The following DIAPH2 variants were observed in gnomAD, a reference collection of about 807,000 sequenced individuals.
DIAPH2 encodes the protein diaphanous related formin 2, also known as protein diaphanous homolog 2.
Under a neutral mutation model 92.7 loss-of-function variants are expected in DIAPH2, and 35 were observed. The observed-to-expected ratio is 0.38, with a 90% CI of 0.29 to 0.50. The LOEUF (loss-of-function observed/expected upper bound fraction) is 0.50. Ranked by LOEUF, DIAPH2 falls within the 20% of genes least tolerant of loss-of-function variation. The pLI is 0.94. For missense variants in DIAPH2, 701 were observed against 819.5 expected, an observed-to-expected ratio of 0.86 and a Z score of 1.77; for synonymous variants, 301 against 280.4, an observed-to-expected ratio of 1.07 and a Z score of -0.73.
intron 26 of DIAPH2, among the ~76,000 whole-genome samples, chrX:97,468,951 C>T (rs186014760): frequency 1.6e-4 from 18 of 111,300 alleles, no homozygotes; most frequent in African/African-American, 5.9e-4. Flanking sequence ...TTATTATCAT[C>T]GATAGAATGT....
At chrX:97,314,668 A>ACTTT in intron 23 of DIAPH2, among the ~76,000 whole-genome samples, 1 of 111,762 alleles carries the variant, frequency 8.9e-6, no homozygotes, top group South Asian at 3.8e-4. Context: ...ATCTTTCTAT[A>ACTTT]CTGTAGGGGC....
chrX:96,704,519 A>G lies in DIAPH2; in HGVS notation c.132+19329A>G, dbSNP rs765050694. Among the ~76,000 whole-genome samples the G allele has an allele frequency of 2.5e-3, 279 of 111,778 alleles. 2 individuals carry two copies. Among genetic ancestry groups the G allele is most frequent in the African/African-American group, 8.6e-3 (263 of 30,746 alleles). ...TCTCAGTGACCTTCATAAATGTGATAGTGCTGGGAACAATCTTCTGAAGCA... is the reference window on the plus strand; with the variant it reads ...TCTCAGTGACCTTCATAAATGTGATGGTGCTGGGAACAATCTTCTGAAGCA... On this transcript the variant is annotated intron_variant, in intron 1 of 26. Transcript: ENST00000324765.
intron 17 of DIAPH2, among the ~76,000 whole-genome samples, chrX:97,001,407 G>A (rs1179023857): frequency 8.9e-6 from 1 of 112,075 alleles, no homozygotes; most frequent in East Asian, 2.8e-4. Context: ...CACTTTGGGA[G>A]GCCAAGGCGG....
intron 26 of DIAPH2, among the ~76,000 whole-genome samples, chrX:97,498,109 T>A (rs1260192182): frequency 3.6e-5 from 4 of 111,613 alleles, no homozygotes; most frequent in Non-Finnish European, 5.6e-5. Context: ...GGAGCAGGTT[T>A]GTGCTTGATT....
chrX:97,261,230 A>G (rs2068285969), intron 23 of DIAPH2, among the ~76,000 whole-genome samples: 1 of 112,680 alleles, frequency 8.9e-6, no homozygotes, highest in Non-Finnish European at 1.9e-5. Context: ...TGTGTGTGAA[A>G]CACCAAGAGT....
At chrX:97,142,348 G>A (rs1401788151) in intron 22 of DIAPH2, among the ~76,000 whole-genome samples, 2 of 111,338 alleles carry the variant, frequency 1.8e-5, no homozygotes, top group African/African-American at 6.5e-5. Flanking sequence ...TGAGGTTAGG[G>A]TTTTACAGAC....
At position 97,073,012 on chromosome X, in the gene DIAPH2, A is replaced by G; in HGVS notation, c.2122A>G (p.Ile708Val). The G allele has an allele frequency of 1.7e-6, 2 of 1,202,095 alleles. No homozygotes were observed. Among genetic ancestry groups the G allele is most frequent in the Non-Finnish European group, 2.2e-6 (2 of 889,872 alleles). ...AAAGAAGAAAGTGAAAGAACTGAGA[A>G]TTTTGGATCCCAAAACAGCTCAGAA... ...PTKKKVKELR[I>V]LDPKTAQNLS... The change falls in exon 18 of 27, where the codon ATT becomes GTT. Residue 708 changes from isoleucine (I) to valine (V), a missense_variant. Physicochemically the swap from Ile to Val is conservative, Grantham distance 29. Coordinates refer to ENST00000324765, the MANE Select transcript of DIAPH2 (RefSeq NM_006729.5).
Position 96,941,988 on chromosome X carries a change from G to C in DIAPH2, c.1326-30G>C, listed in dbSNP as rs1390994173. 3.8e-6 allele frequency: 3 copies of C among 795,353 alleles called. No individual in the cohort carries two copies. The South Asian group carries it at 6.7e-5, about 18-fold the overall frequency. 65.5% of individuals were successfully genotyped at this position (795,353 alleles called of 1,213,427 possible). A position where few individuals can be genotyped will look rare whatever the true frequency, so the allele number is the denominator to read the frequency against. ...CAAATTGATCTGCATGGTTAGAAAG[G>C]CATTCATGAGTACTTTCTCTCCTTT... On this transcript the variant is annotated intron_variant, in intron 12 of 26. Transcript: ENST00000324765.
At chrX:96,914,152 G>T (rs2065487471) in intron 7 of DIAPH2, among the ~76,000 whole-genome samples, 1 of 110,876 alleles carries the variant, frequency 9.0e-6, no homozygotes, top group Non-Finnish European at 1.9e-5. Flanking sequence ...TATCAGCAAA[G>T]AATGTTACTG....
At chrX:97,072,109 G>A (rs188644082) in intron 17 of DIAPH2, among the ~76,000 whole-genome samples, 6 of 111,557 alleles carry the variant, frequency 5.4e-5, no homozygotes, top group East Asian at 2.8e-4. Context: ...TTTCTATACC[G>A]GAGGGGTTTG....
At chrX:97,095,438 A>G (rs1233913187) in intron 19 of DIAPH2, among the ~76,000 whole-genome samples, 1 of 107,753 alleles carries the variant, frequency 9.3e-6, no homozygotes, top group East Asian at 2.9e-4. Context: ...TCTTATCTAG[A>G]TTTTTAAAAA....
intron 5 of DIAPH2, among the ~76,000 whole-genome samples, chrX:96,894,509 C>T (rs191513235): frequency 3.0e-4 from 33 of 111,509 alleles, no homozygotes; most frequent in African/African-American, 1.0e-3. Context: ...AATTTTTCTT[C>T]GATATAGAGA....
chrX:97,242,378 T>C (rs2068103063), intron 22 of DIAPH2, among the ~76,000 whole-genome samples: 2 of 110,128 alleles, frequency 1.8e-5, no homozygotes, highest in Admixed American at 1.9e-4. Context: ...TTTTTTTTTT[T>C]CTTGAGACAG....
intron 3 of DIAPH2, among the ~76,000 whole-genome samples, chrX:96,749,365 A>T (rs1227242216): frequency 1.8e-5 from 2 of 110,541 alleles, no homozygotes; most frequent in South Asian, 7.6e-4. Context: ...TAGTGAGAAC[A>T]GTGTCACTAT....
In DIAPH2 at chrX:97,467,379, G is replaced by A. The variant is rs771137563; in HGVS notation, c.3241+37634G>A. Among the ~76,000 whole-genome samples, 14 of 112,061 alleles carry A rather than the reference G, an allele frequency of 1.2e-4. No homozygotes were observed. In the South Asian group the frequency reaches 5.3e-3, roughly 42 times the overall value. ...TAAATGCACAAAGTCTTCCTTCTTT[G>A]TAGTAGACTAGTATCCTGGTTTCTG... On this transcript the variant is annotated intron_variant, in intron 26 of 26. Transcript: ENST00000324765.
At chrX:97,129,168 T>TCCTTTCCTTTCCTTTCCTTTC (rs1215898264) in intron 21 of DIAPH2, among the ~76,000 whole-genome samples, 1 of 104,022 alleles carries the variant, frequency 9.6e-6, no homozygotes, top group African/African-American at 3.7e-5. Context: ...TTCTTTTCTT[T>TCCTTTCCTTTCCTTTCCTTTC]CTTTTCTTTT....
At chrX:96,850,122 T>G (rs996478454) in intron 4 of DIAPH2, among the ~76,000 whole-genome samples, 6 of 111,505 alleles carry the variant, frequency 5.4e-5, no homozygotes, top group Non-Finnish European at 1.1e-4. Context: ...AAAGTCCTCT[T>G]GGTACAGTAA....
chrX:96,808,148 ACTTTAATT>A (rs1481948624), intron 4 of DIAPH2, among the ~76,000 whole-genome samples: 1 of 108,851 alleles, frequency 9.2e-6, no homozygotes, highest in Non-Finnish European at 1.9e-5. Context: ...GTTCCTAGGT[ACTTTAATT>A]CAGTTGCCAT....
chrX:97,378,913 C>T (rs1004667456), intron 24 of DIAPH2, among the ~76,000 whole-genome samples: 2 of 111,687 alleles, frequency 1.8e-5, no homozygotes, highest in African/African-American at 6.5e-5. Flanking sequence ...TCAGTGTGAT[C>T]ACAGTATTCC....
Sources: gnomAD v4.1 joint callset for allele counts (sites outside exome capture counted in the v4.1 genomes callset) on GRCh38, gnomAD v4.1.1 for gene constraint, MANE v1.5 for transcripts, NCBI Gene and HGNC (gene_info 2026-07-23, HGNC 2026-07-21) for gene names.